Variants in ZNF85 observed in about 807,000 individuals in gnomAD.
The protein encoded by ZNF85 is zinc finger protein 85 (HPF4, HTF1).
Under a neutral mutation model 53.9 loss-of-function variants are expected in ZNF85, and 50 were observed. The ratio of observed to expected loss-of-function variants is 0.93; its 90% CI spans 0.74 to 1.17. The LOEUF (loss-of-function observed/expected upper bound fraction) is 1.17. Among genes scored for constraint, ZNF85 ranks in the 50% most tolerant of loss-of-function variants. The pLI is 0.00. For missense variants in ZNF85, 747 were observed against 688.5 expected (o/e 1.08, Z -0.95); for synonymous variants, 225 against 226.1 (o/e 1.00, Z 0.04).
chr19:20,948,316 A>G (rs987118889), intron 3 of ZNF85, among the ~76,000 whole-genome samples: 151 of 152,190 alleles, frequency 9.9e-4, no homozygotes, highest in African/African-American at 3.3e-3. Flanking sequence ...CATTTATTTC[A>G]AGACAGAAAC....
At chr19:20,925,737 C>G (rs1486998780) in intron 1 of ZNF85, among the ~76,000 whole-genome samples, 1 of 152,126 alleles carries the variant, frequency 6.6e-6, no homozygotes, top group African/African-American at 2.4e-5. Context: ...GAGAATCTTT[C>G]AAGTGATTGA....
chr19:20,936,502 A>G (rs1294554670), intron 3 of ZNF85: 1 of 152,288 alleles, frequency 6.6e-6, no homozygotes, highest in African/African-American at 2.4e-5. Flanking sequence ...AGGGTCATTT[A>G]TAACCTGATG....
At chr19:20,927,432 A>G (rs1050301009) in intron 1 of ZNF85, 2 of 151,316 alleles carry the variant, frequency 1.3e-5, no homozygotes, top group African/African-American at 4.9e-5. Context: ...TAGCCTGGGC[A>G]ACAAGATCAA....
chr19:20,944,165 A>G (rs143995388), intron 3 of ZNF85: 226 of 156,638 alleles, frequency 1.4e-3, no homozygotes, highest in Non-Finnish European at 2.4e-3. Flanking sequence ...TTTTTTATTT[A>G]TATATGTTTT....
At chr19:20,945,041 A>G (rs1377386645) in intron 3 of ZNF85, among the ~76,000 whole-genome samples, 1 of 152,134 alleles carries the variant, frequency 6.6e-6, no homozygotes, top group Non-Finnish European at 1.5e-5. Flanking sequence ...TTATTTGTGA[A>G]TCTATATTAT....
intron 1 of ZNF85, among the ~76,000 whole-genome samples, chr19:20,933,612 A>G (rs935243673): frequency 3.3e-5 from 5 of 152,220 alleles, no homozygotes; most frequent in Non-Finnish European, 7.4e-5. Context: ...TATTGTACAC[A>G]TTAAAATTTA....
chr19:20,928,298 G>C (rs1471463733), intron 1 of ZNF85: 1 of 152,148 alleles, frequency 6.6e-6, no homozygotes, highest in Non-Finnish European at 1.5e-5. Flanking sequence ...GAATTGCTTT[G>C]TGTTCAGCAA....
Position 20,949,006 on chromosome 19 carries a change from T to C in ZNF85, c.492T>C (p.His164=). 1.2e-6 allele frequency: 2 copies of C among 1,613,546 alleles called. No individual in the cohort carries two copies. Among genetic ancestry groups the C allele is most frequent in the South Asian group, 2.2e-5 (2 of 90,988 alleles). The change falls in exon 4 of 4, where the codon CAT becomes CAC. Residue 164 remains histidine (H), a synonymous_variant. Transcript: ENST00000328178. ...ATAAATTTTCAAATTCAAACAGACA[T>C]GAGATAAGACATACTAAAAAGAAAC... The part of the protein sequence containing the change: ...VAHKFSNSNR[H]EIRHTKKKPF...
intron 3 of ZNF85, chr19:20,946,244 T>G (rs1973416574): frequency 3.6e-5 from 13 of 361,486 alleles, no homozygotes; most frequent in South Asian, 3.0e-4. Context: ...TAAAGAGTAA[T>G]TTATAAAATT....
At chr19:20,925,452 A>G (rs1320116676) in intron 1 of ZNF85, among the ~76,000 whole-genome samples, 1 of 136,290 alleles carries the variant, frequency 7.3e-6, no homozygotes, top group Non-Finnish European at 1.6e-5. Context: ...GCGAGACTGT[A>G]TACAAAAAAA....
intron 3 of ZNF85, among the ~76,000 whole-genome samples, chr19:20,947,890 C>T (rs1158644535): frequency 1.3e-5 from 2 of 151,826 alleles, no homozygotes; most frequent in African/African-American, 4.8e-5. Context: ...GAATATTATT[C>T]AAGTTTTTCA....
intron 1 of ZNF85, among the ~76,000 whole-genome samples, chr19:20,932,248 A>G (rs1011445499): frequency 2.0e-5 from 3 of 152,146 alleles, no homozygotes; most frequent in Non-Finnish European, 2.9e-5. Context: ...AAAGCAAAAC[A>G]TGTCTCAGAT....
intron 3 of ZNF85, among the ~76,000 whole-genome samples, chr19:20,947,736 AT>A (rs1414399774): frequency 6.6e-6 from 1 of 150,628 alleles, no homozygotes; most frequent in Admixed American, 6.6e-5. Context: ...GAGCTTCTTC[AT>A]TTTTACATCA....
At chr19:20,931,095 G>T (rs554397602) in intron 1 of ZNF85, among the ~76,000 whole-genome samples, 29 of 152,120 alleles carry the variant, frequency 1.9e-4, no homozygotes, top group Non-Finnish European at 3.1e-4. Context: ...GTCTTTATTT[G>T]TACCAGAAGT....
At position 20,950,496 on chromosome 19, in the gene ZNF85, T is replaced by G. The variant is rs1306175243; in HGVS notation, c.*194T>G. 1.5e-5 allele frequency: 7 copies of G among 457,690 alleles called. No individual in the cohort carries two copies. The highest frequency in any genetic ancestry group is 2.6e-5 in the Non-Finnish European group (7 of 264,270). 28.4% of individuals were successfully genotyped at this position (457,690 alleles called of 1,614,324 possible). ...AAGTCTTTAAATGGTTGTCACACTT[T>G]AGGTAAGATAATTCATATTGGAACA... On this transcript the variant is annotated 3_prime_UTR_variant, in exon 4 of 4. Coordinates refer to ENST00000328178, the MANE Select transcript of ZNF85 (RefSeq NM_003429.5).
chr19:20,936,757 C>T, intron 3 of ZNF85: 1 of 154,020 alleles, frequency 6.5e-6, no homozygotes, highest in Non-Finnish European at 1.4e-5. Context: ...AATATTTAGG[C>T]TAAAATGTGG....
intron 2 of ZNF85, 149 bp from the exon 3 acceptor site, chr19:20,934,798 AAG>A: frequency 8.9e-6 from 4 of 450,122 alleles, no homozygotes. Flanking sequence ...AAAAAAAAAA[AAG>A]AACCTACAAA....
Position 20,923,317 on chromosome 19 carries a change from G to A in ZNF85, c.-84G>A. ...TCCCTGCTTTGTGTTTTCTGCTCGTGGACGCCCAGCCTCTGTGGCCCTGTG... is the reference window on the plus strand; with the variant it reads ...TCCCTGCTTTGTGTTTTCTGCTCGTAGACGCCCAGCCTCTGTGGCCCTGTG... On this transcript the variant is annotated 5_prime_UTR_variant, in exon 1 of 4. Coordinates refer to ENST00000328178, the MANE Select transcript of ZNF85 (RefSeq NM_003429.5). 2 of 1,603,328 alleles carry A rather than the reference G, an allele frequency of 1.2e-6. No homozygotes were observed. Among genetic ancestry groups the A allele is most frequent in the African/African-American group, 1.3e-5 (1 of 74,724 alleles).
intron 3 of ZNF85, among the ~76,000 whole-genome samples, chr19:20,938,937 A>G (rs1973229273): frequency 6.6e-6 from 1 of 151,992 alleles, no homozygotes; most frequent in Non-Finnish European, 1.5e-5. Context: ...ATTTGCTTCT[A>G]AATTTGGATT....
Sources: gnomAD v4.1 joint callset for allele counts (sites outside exome capture counted in the v4.1 genomes callset) on GRCh38, gnomAD v4.1.1 for gene constraint, MANE v1.5 for transcripts, NCBI Gene and HGNC (gene_info 2026-07-23, HGNC 2026-07-21) for gene names.